ITGA4: variants seen among roughly 807,000 people sequenced by gnomAD.
ITGA4 encodes integrin alpha-4.
In ITGA4, 63 loss-of-function variants were observed where a neutral mutation model predicts 133.6. The observed-to-expected ratio is 0.47, with a 90% CI of 0.38 to 0.58. The LOEUF is 0.58. Ranked by LOEUF, ITGA4 falls within the 20% of genes least tolerant of loss-of-function variation. The pLI is 0.00. For synonymous variants in ITGA4, 483 were observed against 438.0 expected, an observed-to-expected ratio of 1.10 and a Z score of -1.28; for missense variants, 1,076 against 1,252.7, an observed-to-expected ratio of 0.86 and a Z score of 2.13.
rs1248910465 is a variant in ITGA4 at position 181,537,311 on chromosome 2, C to T, written c.*1784C>T. 1 of 453,278 alleles carries T rather than the reference C, an allele frequency of 2.2e-6. No homozygotes were observed. Among genetic ancestry groups the T allele is most frequent in the Non-Finnish European group, 4.4e-6 (1 of 226,308 alleles). 28.1% of individuals were successfully genotyped at this position (453,278 alleles called of 1,614,324 possible). A position where few individuals can be genotyped will look rare whatever the true frequency, so the allele number is the denominator to read the frequency against. On this transcript the variant is annotated 3_prime_UTR_variant, in exon 28 of 28. Transcript: ENST00000397033. ...CTATATATTTCAGGTTATCTGAGCACAGTGAAAGCAGAGTACTATGGTTGT... is the reference window on the plus strand; with the variant it reads ...CTATATATTTCAGGTTATCTGAGCATAGTGAAAGCAGAGTACTATGGTTGT...
In ITGA4 at chr2:181,475,888, C is replaced by T. The variant is rs769267503; in HGVS notation, c.556+600C>T. On this transcript the variant is annotated intron_variant, in intron 4 of 27. Transcript: ENST00000397033. ...AGAATTGGGGTGAATGTCAACAGAG[C>T]ATGTCAGAGGATATCTGCAGCAAAA... The T allele has an allele frequency of 4.4e-6, 7 of 1,584,924 alleles. No homozygotes were observed. In the South Asian group the frequency reaches 5.9e-5, roughly 13 times the overall value.
chr2:181,511,843 TC>T (rs2105757755), intron 17 of ITGA4, 68 bp downstream of exon 17: 1 of 753,698 alleles, frequency 1.3e-6, no homozygotes, highest in Non-Finnish European at 2.3e-6. Flanking sequence ...GCATTTGCAT[TC>T]CCAAAAGAAA....
At chr2:181,474,121 C>T (rs1261430637) in intron 2 of ITGA4, among the ~76,000 whole-genome samples, 1 of 152,194 alleles carries the variant, frequency 6.6e-6, no homozygotes, top group Non-Finnish European at 1.5e-5. Flanking sequence ...CTGCATCTTA[C>T]TCTTCCCCAA....
At chr2:181,499,721 G>A (rs1686229096) in intron 15 of ITGA4, among the ~76,000 whole-genome samples, 1 of 152,080 alleles carries the variant, frequency 6.6e-6, no homozygotes, top group African/African-American at 2.4e-5. Context: ...AGAGCCAAAA[G>A]TATAGAATAT....
intron 2 of ITGA4, among the ~76,000 whole-genome samples, chr2:181,473,204 C>A (rs1299347325): frequency 6.6e-6 from 1 of 152,210 alleles, no homozygotes; most frequent in African/African-American, 2.4e-5. Flanking sequence ...GGCTGCACAG[C>A]AGGAGGTGAG....
At chr2:181,473,166 G>A (rs961049909) in intron 2 of ITGA4, among the ~76,000 whole-genome samples, 2 of 152,226 alleles carry the variant, frequency 1.3e-5, no homozygotes, top group Non-Finnish European at 2.9e-5. Context: ...CTGTGGATGG[G>A]TACTGGCCCG....
Position 181,531,406 on chromosome 2 carries a change from T to C in ITGA4, c.2665-251T>C, listed in dbSNP as rs181290863. ...TTTTTAAAAATTCTGTCCCAGAAGATTATGTTAATACAAATAATAAGAACA... is the reference window on the plus strand; with the variant it reads ...TTTTTAAAAATTCTGTCCCAGAAGACTATGTTAATACAAATAATAAGAACA... On this transcript the variant is annotated intron_variant, in intron 24 of 27. Coordinates refer to ENST00000397033, the MANE Select transcript of ITGA4 (RefSeq NM_000885.6). 3.4e-3 allele frequency among the ~76,000 whole-genome samples: 515 copies of C among 152,306 alleles called. 1 individual carries two copies. The highest frequency in any genetic ancestry group is 8.8e-3 in the Admixed American group (134 of 15,298).
At chr2:181,499,001 C>A in intron 15 of ITGA4, 1 of 495,490 alleles carries the variant, frequency 2.0e-6, no homozygotes, top group Non-Finnish European at 2.6e-6. Flanking sequence ...CATTTGACCT[C>A]ATCATTTGAA....
chr2:181,526,640 T>A (rs1686834735), intron 21 of ITGA4, among the ~76,000 whole-genome samples: 1 of 151,956 alleles, frequency 6.6e-6, no homozygotes, highest in African/African-American at 2.4e-5. Flanking sequence ...AATTGAGGTA[T>A]GAGAACCTTA....
chr2:181,470,203 C>T lies in ITGA4; in HGVS notation c.320-4757C>T, dbSNP rs1273868372. The stretch of plus-strand genomic sequence containing the variant: ...CAAAAATTTAAAAATAGAACTATTA[C>T]AAGACTCAGCAATCTCACTGAAGGT... On this transcript the variant is annotated intron_variant, in intron 2 of 27. Coordinates refer to ENST00000397033, the MANE Select transcript of ITGA4 (RefSeq NM_000885.6). Among the ~76,000 whole-genome samples, 4 of 151,736 alleles carry T rather than the reference C, an allele frequency of 2.6e-5. No homozygotes were observed. In the East Asian group the frequency reaches 7.7e-4, roughly 29 times the overall value.
In ITGA4 at chr2:181,497,886, T is replaced by TC. The variant is rs1686186364; in HGVS notation, c.1541-736dup. On this transcript the variant is annotated intron_variant, in intron 14 of 27. Coordinates refer to ENST00000397033, the MANE Select transcript of ITGA4 (RefSeq NM_000885.6). ...ATTTTTTCTTTTTTCCTTTTTTTTT[T>TC]CTTTCAAATTTGGAGATCTTCATGA... Among the ~76,000 whole-genome samples the TC allele has an allele frequency of 9.9e-5, 15 of 152,042 alleles. No individual in the cohort carries two copies. The South Asian group carries it at 3.1e-3, about 32-fold the overall frequency.
chr2:181,498,336 T>C (rs1686199346), intron 14 of ITGA4: 1 of 179,492 alleles, frequency 5.6e-6, no homozygotes, highest in Admixed American at 6.1e-5. Context: ...AATTTTTATA[T>C]TTTTGAAATT....
chr2:181,487,695 C>T (rs1359438705), intron 10 of ITGA4, among the ~76,000 whole-genome samples: 4 of 152,168 alleles, frequency 2.6e-5, no homozygotes, highest in African/African-American at 9.7e-5. Flanking sequence ...ATTTATTGAA[C>T]ATTTATTTTG....
At chr2:181,512,750 G>A (rs925141447) in intron 17 of ITGA4, among the ~76,000 whole-genome samples, 1 of 152,054 alleles carries the variant, frequency 6.6e-6, no homozygotes, top group South Asian at 2.1e-4. Flanking sequence ...TGAAAAAATG[G>A]GTATCACTGG....
In ITGA4 at chr2:181,537,854, G is replaced by A. The variant is rs115260661; in HGVS notation, c.*2327G>A. 2,191 of 508,788 alleles carry A rather than the reference G, an allele frequency of 4.3e-3. 35 individuals are homozygous for A. The highest frequency in any genetic ancestry group is 0.034 in the African/African-American group (1,763 of 52,374). 31.5% of individuals were successfully genotyped at this position (508,788 alleles called of 1,614,324 possible). On this transcript the variant is annotated 3_prime_UTR_variant, in exon 28 of 28. Coordinates refer to ENST00000397033, the MANE Select transcript of ITGA4 (RefSeq NM_000885.6). ...AACATCAATTTCTATTAGGATATCC[G>A]TTTGGCCACACAGCAGGAGGTTAGA...
At chr2:181,474,856 A>G (rs1574381971) in intron 2 of ITGA4, 104 bp from the exon 3 acceptor site, 3 of 730,534 alleles carry the variant, frequency 4.1e-6, no homozygotes, top group East Asian at 5.3e-5. Context: ...AATATAAGAT[A>G]GAGAAGTAGT....
Position 181,524,254 on chromosome 2 carries a change from T to C in ITGA4, c.2249+4T>C. The C allele has an allele frequency of 6.6e-7, 1 of 1,510,472 alleles. No individual in the cohort carries two copies. The highest frequency in any genetic ancestry group is 9.0e-7 in the Non-Finnish European group (1 of 1,109,240). 93.6% of individuals were successfully genotyped at this position (1,510,472 alleles called of 1,614,324 possible). A position where few individuals can be genotyped will look rare whatever the true frequency, so the allele number is the denominator to read the frequency against. ...GTATCACAGTGCATGCTACCTGGTA[T>C]AATTTATTGTTAATAAAATGAACTA... On this transcript the variant is annotated splice_donor_region_variant and intron_variant, in intron 20 of 27. Coordinates refer to ENST00000397033, the MANE Select transcript of ITGA4 (RefSeq NM_000885.6).
intron 17 of ITGA4, among the ~76,000 whole-genome samples, chr2:181,521,858 C>T (rs1305428798): frequency 6.6e-6 from 1 of 152,074 alleles, no homozygotes; most frequent in East Asian, 1.9e-4. Context: ...ACTGCTTTGC[C>T]TTTAGAAAAT....
At chr2:181,512,924 C>T (rs762015833) in intron 17 of ITGA4, among the ~76,000 whole-genome samples, 8 of 152,008 alleles carry the variant, frequency 5.3e-5, no homozygotes, top group Non-Finnish European at 1.2e-4. Flanking sequence ...AATGTGAGTG[C>T]CAGAGGCAGG....
Sources: gnomAD v4.1 joint callset for allele counts (sites outside exome capture counted in the v4.1 genomes callset) on GRCh38, gnomAD v4.1.1 for gene constraint, MANE v1.5 for transcripts, NCBI Gene and HGNC (gene_info 2026-07-23, HGNC 2026-07-21) for gene names.